PTPRM: variants seen among roughly 807,000 people sequenced by gnomAD.
PTPRM encodes receptor-type tyrosine-protein phosphatase mu.
A neutral mutation model predicts 186.7 loss-of-function variants in PTPRM; 47 were observed. That is an observed-to-expected ratio of 0.25 (90% CI 0.20 to 0.32). PTPRM has a LOEUF of 0.32. Among genes scored for constraint, PTPRM ranks in the 10% least tolerant of loss-of-function variants. The pLI is 1.00. For missense variants in PTPRM, 1,494 were observed against 1,865.0 expected, an observed-to-expected ratio of 0.80 and a Z score of 3.66; for synonymous variants, 668 against 674.9, an observed-to-expected ratio of 0.99 and a Z score of 0.16.
At chr18:7,946,994 C>CATATGTTCAGTTTT (rs1412881925) in intron 5 of PTPRM, 14 of 456,152 alleles carry the variant, frequency 3.1e-5, no homozygotes, top group Non-Finnish European at 5.7e-5. Flanking sequence ...TTTACAGCAG[C>CATATGTTCAGTTTT]ACTGAACATA....
At chr18:7,772,844 A>C (rs1171315895) in intron 1 of PTPRM, among the ~76,000 whole-genome samples, 1 of 152,148 alleles carries the variant, frequency 6.6e-6, no homozygotes, top group Non-Finnish European at 1.5e-5. Flanking sequence ...AGAACACTTA[A>C]TTGTCATCAG....
intron 7 of PTPRM, among the ~76,000 whole-genome samples, chr18:8,053,248 A>T (rs1333032582): frequency 1.3e-5 from 2 of 152,128 alleles, no homozygotes; most frequent in Non-Finnish European, 2.9e-5. Flanking sequence ...ATATGTTCTT[A>T]ATTTTAGTGT....
intron 1 of PTPRM, among the ~76,000 whole-genome samples, chr18:7,719,590 TAAAC>T (rs1372916569): frequency 1.3e-5 from 2 of 152,176 alleles, no homozygotes; most frequent in Non-Finnish European, 2.9e-5. Flanking sequence ...TAGTAATTGT[TAAAC>T]AATTCATTAG....
intron 7 of PTPRM, among the ~76,000 whole-genome samples, chr18:8,016,778 C>T (rs1383185276): frequency 2.0e-5 from 3 of 152,068 alleles, no homozygotes; most frequent in Non-Finnish European, 4.4e-5. Context: ...ACTAGAAATG[C>T]GGCATTCATT....
rs555423057 is a variant in PTPRM at position 8,160,458 on chromosome 18, T to TTTG, written c.2300+16696_2300+16698dup. 3.5e-3 allele frequency among the ~76,000 whole-genome samples: 525 copies of TTTG among 151,590 alleles called. 2 individuals carry two copies. Among genetic ancestry groups the TTTG allele is most frequent in the African/African-American group, 0.011 (450 of 41,366 alleles). On this transcript the variant is annotated intron_variant, in intron 14 of 32. Coordinates refer to ENST00000580170, the MANE Select transcript of PTPRM (RefSeq NM_001105244.2). ...CACCACGCCCAGAAAATTTTGGGGT[T>TTTG]TTGTTGTTGTTGTTGTTGTAGAGAC...
chr18:7,817,210 G>A (rs1316297783), intron 2 of PTPRM, among the ~76,000 whole-genome samples: 1 of 152,090 alleles, frequency 6.6e-6, no homozygotes, highest in Admixed American at 6.6e-5. Context: ...CCTGACCTCA[G>A]GTGATCTGCC....
chr18:8,402,245 CT>C (rs1218653878), intron 32 of PTPRM, among the ~76,000 whole-genome samples: 1 of 152,212 alleles, frequency 6.6e-6, no homozygotes, highest in East Asian at 1.9e-4. Context: ...TCTTCCTTCT[CT>C]TTCCCCTTAT....
At chr18:7,714,384 T>G (rs569383267) in intron 1 of PTPRM, among the ~76,000 whole-genome samples, 3 of 152,184 alleles carry the variant, frequency 2.0e-5, no homozygotes, top group African/African-American at 7.2e-5. Flanking sequence ...AGAGGGAAAT[T>G]TATAGCACTA....
chr18:7,848,639 T>C (rs1446921082), intron 2 of PTPRM, among the ~76,000 whole-genome samples: 2 of 151,496 alleles, frequency 1.3e-5, no homozygotes, highest in African/African-American at 4.9e-5. Flanking sequence ...CAGGAATGCC[T>C]GTAGTCCCAG....
At chr18:8,247,546 G>A (rs2094488927) in intron 15 of PTPRM, among the ~76,000 whole-genome samples, 1 of 152,274 alleles carries the variant, frequency 6.6e-6, no homozygotes, top group South Asian at 2.1e-4. Context: ...TAAGCAAAGG[G>A]CAGAAGTCAA....
chr18:7,975,171 T>C (rs969228274), intron 7 of PTPRM, among the ~76,000 whole-genome samples: 2 of 152,158 alleles, frequency 1.3e-5, no homozygotes, highest in African/African-American at 2.4e-5. Flanking sequence ...GGTGAAAATA[T>C]AAAAATAGGT....
chr18:8,319,088 T>C (rs1333490936), intron 21 of PTPRM, 90 bp from the exon 22 acceptor site: 3 of 868,518 alleles, frequency 3.5e-6, no homozygotes, highest in East Asian at 2.7e-5. Context: ...GGCGTTTGTG[T>C]GCACATTCCT....
chr18:8,290,154 G>C (rs969708104), intron 19 of PTPRM, among the ~76,000 whole-genome samples: 4 of 152,178 alleles, frequency 2.6e-5, no homozygotes, highest in Non-Finnish European at 5.9e-5. Context: ...AGAGAAGTCT[G>C]AGCAGAAAAC....
chr18:8,268,326 C>A (rs894943021), intron 19 of PTPRM, among the ~76,000 whole-genome samples: 2 of 152,082 alleles, frequency 1.3e-5, no homozygotes, highest in Non-Finnish European at 2.9e-5. Context: ...AGTATGCCAA[C>A]TAATTGGATA....
At chr18:8,376,308 C>G in intron 25 of PTPRM, 108 bp downstream of exon 25, 1 of 1,534,400 alleles carries the variant, frequency 6.5e-7, no homozygotes, top group South Asian at 1.2e-5. Flanking sequence ...GTGATGATTG[C>G]ACAACATTTT....
chr18:7,567,981 A>G lies in PTPRM; in HGVS notation c.73+90A>G. Reference sequence around the variant, plus strand: ...ACAGCTCCCTGGTGGTAGAGCCCTAAGGCTGGCGTCGGGGCCGGGCGGGGG... The same window carrying G: ...ACAGCTCCCTGGTGGTAGAGCCCTAGGGCTGGCGTCGGGGCCGGGCGGGGG... On this transcript the variant is annotated intron_variant, in intron 1 of 32. Transcript: ENST00000580170. The surrounding 1 kb of genome is among the most constrained non-coding windows in gnomAD (Gnocchi z 4.3). 7.8e-7 allele frequency: 1 copy of G among 1,287,408 alleles called. No individual in the cohort carries two copies. The allele number at this position is 1,287,408 out of a possible 1,614,324, so 79.7% of individuals were successfully genotyped here. A position where few individuals can be genotyped will look rare whatever the true frequency, so the allele number is the denominator to read the frequency against.
intron 13 of PTPRM, among the ~76,000 whole-genome samples, chr18:8,128,032 AACGT>A (rs2092414559): frequency 6.6e-6 from 1 of 152,178 alleles, no homozygotes; most frequent in Non-Finnish European, 1.5e-5. Context: ...TGCACTCGAA[AACGT>A]ACTATCTCTA....
At chr18:7,954,861 G>A (rs1305432145) in intron 6 of PTPRM, among the ~76,000 whole-genome samples, 3 of 152,120 alleles carry the variant, frequency 2.0e-5, no homozygotes, top group African/African-American at 7.2e-5. Flanking sequence ...TGCTATGCAC[G>A]GTGGTTGGTG....
intron 12 of PTPRM, 27 bp from the exon 13 acceptor site, chr18:8,114,764 A>AT (rs1483825633): frequency 1.9e-6 from 3 of 1,579,714 alleles, no homozygotes; most frequent in African/African-American, 2.7e-5. Context: ...ATGAATAATG[A>AT]TTTTTCCCTC....
Sources: allele counts gnomAD v4.1 joint callset (sites outside exome capture counted in the v4.1 genomes callset), GRCh38; gene constraint gnomAD v4.1.1; non-coding constraint Gnocchi (gnomAD v3.1); transcripts MANE v1.5; gene names NCBI Gene and HGNC (gene_info 2026-07-23, HGNC 2026-07-21).